Variants in ZNF525 observed in about 807,000 individuals in gnomAD.
ZNF525 encodes the protein zinc finger protein 525.
ZNF525 carries 33 observed loss-of-function variants against 37.6 expected under a neutral mutation model. That is an observed-to-expected ratio of 0.88 (90% CI 0.67 to 1.17). The LOEUF is 1.17. ZNF525 is among the 50% of genes most tolerant of loss of function. The pLI is 0.00. For synonymous variants in ZNF525, 170 were observed against 182.3 expected (o/e 0.93, Z 0.54); for missense variants, 449 against 543.1 (o/e 0.83, Z 1.72).
At chr19:53,371,542 T>A (rs2085488038) in intron 1 of ZNF525, among the ~76,000 whole-genome samples, 1 of 152,174 alleles carries the variant, frequency 6.6e-6, no homozygotes, top group Non-Finnish European at 1.5e-5. Flanking sequence ...TTACTTTTTG[T>A]ATTTTTAATA....
Position 53,375,707 on chromosome 19 carries a change from C to T in ZNF525, c.16-63C>T, listed in dbSNP as rs2085516671. The T allele has an allele frequency of 2.5e-6, 4 of 1,613,194 alleles. No homozygotes were observed. In the Admixed American group the frequency reaches 5.0e-5, roughly 20 times the overall value. On this transcript the variant is annotated intron_variant, in intron 2 of 3. Transcript: ENST00000474037. Reference sequence around the variant, plus strand: ...CATGCTTTCCCCTCTCTCCTCTTCTCATTTTCTGTAAAGATAAGAACTCCT... The same window carrying T: ...CATGCTTTCCCCTCTCTCCTCTTCTTATTTTCTGTAAAGATAAGAACTCCT...
At chr19:53,369,143 G>A (rs1166112643) in intron 1 of ZNF525, among the ~76,000 whole-genome samples, 1 of 152,098 alleles carries the variant, frequency 6.6e-6, no homozygotes, top group Non-Finnish European at 1.5e-5. Context: ...TTTTGACCTT[G>A]CATGAATTTT....
At position 53,381,079 on chromosome 19, in the gene ZNF525, C is replaced by CTA; in HGVS notation, c.502_503dup (p.Asn169SerfsTer30). On this transcript the variant is annotated frameshift_variant, in exon 4 of 4. Transcript: ENST00000474037. LOFTEE classifies it high-confidence loss of function. ...AAAATTAATAATCAAGTGGAGAAGTCTATCAACGATGCTTCCTCGGTTTCA... is the reference window on the plus strand; with the variant it reads ...AAAATTAATAATCAAGTGGAGAAGTCTATATCAACGATGCTTCCTCGGTTTCA... 1.3e-6 allele frequency: 2 copies of CTA among 1,493,288 alleles called. No homozygotes were observed. The highest frequency in any genetic ancestry group is 9.3e-7 in the Non-Finnish European group (1 of 1,070,102). 92.5% of individuals were successfully genotyped at this position (1,493,288 alleles called of 1,614,324 possible). A position where few individuals can be genotyped will look rare whatever the true frequency, so the allele number is the denominator to read the frequency against.
chr19:53,367,697 T>C (rs1277416545), intron 1 of ZNF525, among the ~76,000 whole-genome samples: 1 of 152,226 alleles, frequency 6.6e-6, no homozygotes, highest in Non-Finnish European at 1.5e-5. Context: ...CTTGCAGTTA[T>C]TTCTATAACA....
intron 3 of ZNF525, among the ~76,000 whole-genome samples, chr19:53,378,974 A>T (rs1169363436): frequency 6.6e-6 from 1 of 152,174 alleles, no homozygotes; most frequent in East Asian, 1.9e-4. Flanking sequence ...TTCCCAGTAC[A>T]CATTCTATGT....
chr19:53,371,599 C>A (rs2085488561), intron 1 of ZNF525, among the ~76,000 whole-genome samples: 1 of 152,090 alleles, frequency 6.6e-6, no homozygotes, highest in Non-Finnish European at 1.5e-5. Context: ...AGACTTCTGA[C>A]CTCAAGTAAT....
chr19:53,379,940 T>G (rs2085547494), intron 3 of ZNF525, among the ~76,000 whole-genome samples: 2 of 152,248 alleles, frequency 1.3e-5, no homozygotes, highest in South Asian at 4.1e-4. Flanking sequence ...AGGTGGAGGT[T>G]GCAGTGAGCT....
At chr19:53,369,434 C>A (rs2085469754) in intron 1 of ZNF525, among the ~76,000 whole-genome samples, 1 of 134,548 alleles carries the variant, frequency 7.4e-6, no homozygotes, top group African/African-American at 3.0e-5. Flanking sequence ...ACCATGTTGG[C>A]CAGGTTGGTC....
At position 53,385,325 on chromosome 19, in the gene ZNF525, G is replaced by A. The variant is rs150237885; in HGVS notation, c.*3306G>A. Reference sequence around the variant, plus strand: ...TGATGCCCTCAAAAGGATAAGACATGAGTATAAAAAGAGACTCCATCAAAG... The same window carrying A: ...TGATGCCCTCAAAAGGATAAGACATAAGTATAAAAAGAGACTCCATCAAAG... On this transcript the variant is annotated 3_prime_UTR_variant, in exon 4 of 4. Coordinates refer to ENST00000474037, the MANE Select transcript of ZNF525 (RefSeq NM_001348156.2). The A allele has an allele frequency of 2.1e-4, 48 of 224,696 alleles. No individual in the cohort carries two copies. The highest frequency in any genetic ancestry group is 9.8e-4 in the African/African-American group (43 of 43,952). The allele number at this position is 224,696 out of a possible 1,614,324, so 13.9% of individuals were successfully genotyped here.
At chr19:53,366,018 T>G (rs2085440473) in intron 1 of ZNF525, among the ~76,000 whole-genome samples, 1 of 151,914 alleles carries the variant, frequency 6.6e-6, no homozygotes, top group Non-Finnish European at 1.5e-5. Flanking sequence ...GCTCTAAACC[T>G]TTTTCTGACT....
chr19:53,370,490 C>T (rs934788644), intron 1 of ZNF525, among the ~76,000 whole-genome samples: 5 of 151,850 alleles, frequency 3.3e-5, no homozygotes, highest in African/African-American at 1.2e-4. Flanking sequence ...GTGAAAATTT[C>T]CCTGCTCTGA....
chr19:53,366,499 G>A (rs2085445724), intron 1 of ZNF525, among the ~76,000 whole-genome samples: 2 of 147,548 alleles, frequency 1.4e-5, no homozygotes, highest in African/African-American at 5.1e-5. Flanking sequence ...AGATGGCAAA[G>A]TAGAGGATGG....
intron 3 of ZNF525, among the ~76,000 whole-genome samples, chr19:53,376,835 T>C (rs533719479): frequency 1.1e-4 from 16 of 152,190 alleles, no homozygotes; most frequent in African/African-American, 2.9e-4. Flanking sequence ...CCAGACACGG[T>C]CGTGGGTGCC....
chr19:53,367,257 T>C (rs555470295), intron 1 of ZNF525, among the ~76,000 whole-genome samples: 1 of 150,104 alleles, frequency 6.7e-6, no homozygotes, highest in South Asian at 2.1e-4. Context: ...AGAGGAAAAC[T>C]TCTTTTCTTT....
chr19:53,381,962 T>G lies in ZNF525; in HGVS notation c.1383T>G (p.His461Gln). 1 of 1,020,224 alleles carries G rather than the reference T, an allele frequency of 9.8e-7. No homozygotes were observed. Among genetic ancestry groups the G allele is most frequent in the Non-Finnish European group, 1.6e-6 (1 of 640,574 alleles). The allele number at this position is 1,020,224 out of a possible 1,614,324, so 63.2% of individuals were successfully genotyped here. ...CCCTTACCTGCCATTGTAGACTTCA[T>G]AGTGGAGAGAAACCTTGCAAGTGTG... ...ELSLTCHCRLHSGEKPCKCGE... is the reference protein window; with the variant it reads ...ELSLTCHCRLQSGEKPCKCGE... The change falls in exon 4 of 4, where the codon CAT becomes CAG. Residue 461 changes from histidine to glutamine, a missense_variant. Physicochemically the swap from His to Gln is conservative, Grantham distance 24. Transcript: ENST00000474037.
intron 1 of ZNF525, among the ~76,000 whole-genome samples, chr19:53,368,359 G>T (rs2085462634): frequency 6.6e-6 from 1 of 152,158 alleles, no homozygotes; most frequent in South Asian, 2.1e-4. Flanking sequence ...TAATATTGCT[G>T]TCTTAAACAA....
chr19:53,368,080 A>G (rs1343683366), intron 1 of ZNF525, among the ~76,000 whole-genome samples: 1 of 151,992 alleles, frequency 6.6e-6, no homozygotes, highest in Non-Finnish European at 1.5e-5. Flanking sequence ...TAGACAGGAT[A>G]CCTTAAAATT....
At position 53,386,535 on chromosome 19, in the gene ZNF525, C is replaced by T. The variant is rs574014759; in HGVS notation, c.*4516C>T. ...TTTTTCTCTGTAAATTTGTTATAAA[C>T]GCATTGGTTGGCTGTGTTCAGTAAT... On this transcript the variant is annotated 3_prime_UTR_variant, in exon 4 of 4. Transcript: ENST00000474037. 1.3e-4 allele frequency: 69 copies of T among 521,960 alleles called. No homozygotes were observed. Among genetic ancestry groups the T allele is most frequent in the Admixed American group, 1.2e-3 (41 of 34,988 alleles). The allele number at this position is 521,960 out of a possible 1,614,324, so 32.3% of individuals were successfully genotyped here. A position where few individuals can be genotyped will look rare whatever the true frequency, so the allele number is the denominator to read the frequency against.
chr19:53,380,679 C>A, intron 3 of ZNF525, 43 bp from the exon 4 acceptor site: 1 of 890,096 alleles, frequency 1.1e-6, no homozygotes, highest in Non-Finnish European at 1.7e-6. Flanking sequence ...AGTTTAAAAT[C>A]AGTATTGTCT....
Sources: allele counts gnomAD v4.1 joint callset (sites outside exome capture counted in the v4.1 genomes callset), GRCh38; gene constraint gnomAD v4.1.1; transcripts MANE v1.5; gene names NCBI Gene and HGNC (gene_info 2026-07-23, HGNC 2026-07-21).